The following INPP5A variants were observed in gnomAD, a reference collection of about 807,000 sequenced individuals.
The protein encoded by INPP5A is 43 kDa inositol polyphosphate 5-phophatase.
In INPP5A, 14 loss-of-function variants were observed where a neutral mutation model predicts 65.2. The ratio of observed to expected loss-of-function variants is 0.21; its 90% confidence interval spans 0.14 to 0.34. The LOEUF (loss-of-function observed/expected upper bound fraction) is 0.34. Among genes scored for constraint, INPP5A ranks in the 10% least tolerant of loss-of-function variants. The pLI is 1.00. For synonymous variants in INPP5A, 207 were observed against 208.3 expected (o/e 0.99, Z 0.05); for missense variants, 431 against 545.6 (o/e 0.79, Z 2.09).
At chr10:132,739,270 C>CT (rs5789137) in intron 9 of INPP5A, among the ~76,000 whole-genome samples, 29,267 of 152,234 alleles carry the variant, frequency 0.19, 2,940 homozygotes, top group Non-Finnish European at 0.23. Context: ...CACGTGCCCC[C>CT]GAGGAAGGGT....
At chr10:132,779,758 C>T (rs1202262187) in intron 13 of INPP5A, among the ~76,000 whole-genome samples, 1 of 152,246 alleles carries the variant, frequency 6.6e-6, no homozygotes, top group Non-Finnish European at 1.5e-5. Flanking sequence ...TCCGCAGCCT[C>T]ATCCATCATG....
intron 1 of INPP5A, among the ~76,000 whole-genome samples, chr10:132,543,917 A>G (rs1393660367): frequency 1.3e-5 from 2 of 152,222 alleles, no homozygotes; most frequent in African/African-American, 2.4e-5. Context: ...GTTCTGGTGA[A>G]CAGTGCTGCT....
At position 132,650,557 on chromosome 10, in the gene INPP5A, G is replaced by A. The variant is rs1406296699; in HGVS notation, c.306+52G>A. ...GGGGTCAGACAGGCTGGCCTTGGCA[G>A]AAGCCAGCCCTTCTCCTGTGTAAAT... On this transcript the variant is annotated intron_variant, in intron 4 of 15. Coordinates refer to ENST00000368594, the MANE Select transcript of INPP5A (RefSeq NM_005539.5). This position sits in a 1 kb window ranked among gnomAD's most constrained non-coding sequence, Gnocchi z 5.5. 2.3e-6 allele frequency: 3 copies of A among 1,298,660 alleles called. No individual in the cohort carries two copies. Among genetic ancestry groups the A allele is most frequent in the African/African-American group, 1.5e-5 (1 of 68,650 alleles). 80.4% of individuals were successfully genotyped at this position (1,298,660 alleles called of 1,614,324 possible).
In INPP5A at chr10:132,697,710, T is replaced by G; in HGVS notation, c.371-106T>G. On this transcript the variant is annotated intron_variant, in intron 5 of 15. Coordinates refer to ENST00000368594, the MANE Select transcript of INPP5A (RefSeq NM_005539.5). This position sits in a 1 kb window ranked among gnomAD's most constrained non-coding sequence, Gnocchi z 5.6. ...TCAGGGCCTCCTCTCGGGGGGCCTC[T>G]CTGGCTCCCATCGGGCTGAAGTCGG... 1 of 778,760 alleles carries G rather than the reference T, an allele frequency of 1.3e-6. No individual in the cohort carries two copies. The highest frequency in any genetic ancestry group is 1.6e-5 in the South Asian group (1 of 64,348). The allele number at this position is 778,760 out of a possible 1,614,324, so 48.2% of individuals were successfully genotyped here.
intron 1 of INPP5A, among the ~76,000 whole-genome samples, chr10:132,573,658 G>A (rs529069662): frequency 6.5e-5 from 7 of 107,604 alleles, no homozygotes; most frequent in African/African-American, 2.5e-4. Flanking sequence ...ATGTTGGGGT[G>A]TGCGTGCCGT....
chr10:132,616,147 A>C lies in INPP5A; in HGVS notation c.117+8191A>C, dbSNP rs930855179. Among the ~76,000 whole-genome samples, 8 of 152,308 alleles carry C rather than the reference A, an allele frequency of 5.3e-5. No individual in the cohort carries two copies. Among genetic ancestry groups the C allele is most frequent in the African/African-American group, 1.9e-4 (8 of 41,548 alleles). On this transcript the variant is annotated intron_variant, in intron 2 of 15. Transcript: ENST00000368594. The surrounding 1 kb of genome is among the most constrained non-coding windows in gnomAD (Gnocchi z 4.9). ...GGACATGCCTTCCTCCTGTCCTTGC[A>C]GCCACTGGAGGGGAAGCTTCTTGTC...
Position 132,551,225 on chromosome 10 carries a change from A to G in INPP5A, c.75+13054A>G, listed in dbSNP as rs1267921460. ...CACCTGCTGGCACTGTGAATGTTAG[A>G]CTGCAGAGCTGAGTGGGGAGCCCCT... On this transcript the variant is annotated intron_variant, in intron 1 of 15. Coordinates refer to ENST00000368594, the MANE Select transcript of INPP5A (RefSeq NM_005539.5). This position sits in a 1 kb window ranked among gnomAD's most constrained non-coding sequence, Gnocchi z 5.3. 6.6e-6 allele frequency among the ~76,000 whole-genome samples: 1 copy of G among 152,184 alleles called. No homozygotes were observed. Among genetic ancestry groups the G allele is most frequent in the Non-Finnish European group, 1.5e-5 (1 of 68,032 alleles).
chr10:132,670,780 T>G (rs922768978), intron 4 of INPP5A, among the ~76,000 whole-genome samples: 8 of 151,962 alleles, frequency 5.3e-5, no homozygotes, highest in African/African-American at 1.9e-4. Context: ...AAGCCTCCCT[T>G]GACCCCGTAT....
chr10:132,542,383 T>G (rs1482442204), intron 1 of INPP5A, among the ~76,000 whole-genome samples: 1 of 152,000 alleles, frequency 6.6e-6, no homozygotes, highest in East Asian at 1.9e-4. Flanking sequence ...GTGGCGGAGC[T>G]GCTGTGGGTA....
intron 1 of INPP5A, among the ~76,000 whole-genome samples, chr10:132,562,439 T>C (rs1171705401): frequency 6.6e-6 from 1 of 152,134 alleles, no homozygotes; most frequent in African/African-American, 2.4e-5. Flanking sequence ...CCCCATGAGG[T>C]GCGTAGAGTT....
intron 1 of INPP5A, among the ~76,000 whole-genome samples, chr10:132,607,031 G>A (rs547884084): frequency 2.0e-5 from 3 of 152,316 alleles, no homozygotes; most frequent in South Asian, 2.1e-4. Flanking sequence ...CTTCCTGAGC[G>A]TGGGCGGCTT....
rs184796551 is a variant in INPP5A, at chr10:132,606,837, G to T, written c.76-1078G>T. 1.7e-3 allele frequency among the ~76,000 whole-genome samples: 266 copies of T among 152,330 alleles called. 1 individual carries two copies. The highest frequency in any genetic ancestry group is 6.1e-3 in the African/African-American group (252 of 41,568). On this transcript the variant is annotated intron_variant, in intron 1 of 15. Coordinates refer to ENST00000368594, the MANE Select transcript of INPP5A (RefSeq NM_005539.5). Reference sequence around the variant, plus strand: ...AGGGCCTTGTTTATTGTTTTTAATCGCGGCAAAAACCCACAACATTAAATT... The same window carrying T: ...AGGGCCTTGTTTATTGTTTTTAATCTCGGCAAAAACCCACAACATTAAATT...
rs374023761 is a variant in INPP5A, at chr10:132,645,933, C to T, written c.183C>T (p.Tyr61=). 20 of 1,613,960 alleles carry T rather than the reference C, an allele frequency of 1.2e-5. No homozygotes were observed. Among genetic ancestry groups the T allele is most frequent in the South Asian group, 7.7e-5 (7 of 91,054 alleles). The change falls in exon 3 of 16, where the codon TAC becomes TAT. Residue 61 remains tyrosine (Y), a synonymous_variant. Coordinates refer to ENST00000368594, the MANE Select transcript of INPP5A (RefSeq NM_005539.5). ...GTCAGGAGTTTGGAGGGAAGAACTACGAGGCCTCCATGTCCCACGTGGACA... is the reference window on the plus strand; with the variant it reads ...GTCAGGAGTTTGGAGGGAAGAACTATGAGGCCTCCATGTCCCACGTGGACA... ...LHCQEFGGKN[Y]EASMSHVDKF...
At chr10:132,649,302 G>A (rs148629727) in intron 3 of INPP5A, among the ~76,000 whole-genome samples, 1 of 152,314 alleles carries the variant, frequency 6.6e-6, no homozygotes. Context: ...TGCAATGACT[G>A]TTCCCAGTTG....
At chr10:132,667,303 G>A (rs1377037217) in intron 4 of INPP5A, among the ~76,000 whole-genome samples, 1 of 152,200 alleles carries the variant, frequency 6.6e-6, no homozygotes, top group Non-Finnish European at 1.5e-5. Context: ...GGCTTCAAAA[G>A]AGAGAGAACA....
At chr10:132,669,642 T>G (rs2072856739) in intron 4 of INPP5A, among the ~76,000 whole-genome samples, 1 of 152,182 alleles carries the variant, frequency 6.6e-6, no homozygotes, top group African/African-American at 2.4e-5. Flanking sequence ...GTCCTTAGTC[T>G]GACAGTGACT....
At position 132,676,351 on chromosome 10, in the gene INPP5A, G is replaced by A. The variant is rs1364609956; in HGVS notation, c.307-14041G>A. ...GCTCTGGGGCGTCACGTCTCCCTGT[G>A]GCCGAGGCTGCTGTTGTCTGGCACA... is the stretch of plus-strand genomic sequence containing the variant. On this transcript the variant is annotated intron_variant, in intron 4 of 15. Transcript: ENST00000368594. The surrounding 1 kb of genome is among the most constrained non-coding windows in gnomAD (Gnocchi z 4.0). 6.6e-6 allele frequency among the ~76,000 whole-genome samples: 1 copy of A among 152,172 alleles called. No individual in the cohort carries two copies. The highest frequency in any genetic ancestry group is 6.5e-5 in the Admixed American group (1 of 15,284).
chr10:132,642,481 C>T (rs2072438636), intron 2 of INPP5A, among the ~76,000 whole-genome samples: 1 of 152,230 alleles, frequency 6.6e-6, no homozygotes, highest in Admixed American at 6.5e-5. Context: ...CGTGACAGCC[C>T]AGGAAATGCT....
Position 132,676,909 on chromosome 10 carries a change from C to T in INPP5A, c.307-13483C>T, listed in dbSNP as rs2072971875. ...CTTCCCCAGCTTTGAGGCCCATCCA[C>T]ATGGTGACCCCCACCGTCACCCAGG... On this transcript the variant is annotated intron_variant, in intron 4 of 15. Coordinates refer to ENST00000368594, the MANE Select transcript of INPP5A (RefSeq NM_005539.5). This position sits in a 1 kb window ranked among gnomAD's most constrained non-coding sequence, Gnocchi z 4.0. 6.6e-6 allele frequency among the ~76,000 whole-genome samples: 1 copy of T among 152,162 alleles called. No individual in the cohort carries two copies. The highest frequency in any genetic ancestry group is 2.4e-5 in the African/African-American group (1 of 41,438).
Sources: gnomAD v4.1 joint callset for allele counts (sites outside exome capture counted in the v4.1 genomes callset) on GRCh38, gnomAD v4.1.1 for gene constraint, Gnocchi (gnomAD v3.1) non-coding constraint, MANE v1.5 for transcripts, NCBI Gene and HGNC (gene_info 2026-07-23, HGNC 2026-07-21) for gene names.